THSD4: variants seen among roughly 807,000 people sequenced by gnomAD.
THSD4 encodes thrombospondin type-1 domain-containing protein 4.
In THSD4, 69 loss-of-function variants were observed where a neutral mutation model predicts 119.0. That is an observed-to-expected ratio of 0.58 (90% CI 0.48 to 0.71). THSD4 has a LOEUF of 0.71. Ranked by LOEUF, THSD4 falls within the 30% of genes least tolerant of loss-of-function variation. The probability of loss-of-function intolerance (pLI) is 0.00; values close to 1 mark genes in which losing one functional copy is unlikely to be tolerated. For missense variants in THSD4, 1,393 were observed against 1,391.1 expected (o/e 1.00, Z -0.02); for synonymous variants, 524 against 540.4 (o/e 0.97, Z 0.42).
intron 8 of THSD4, among the ~76,000 whole-genome samples, chr15:71,672,585 T>A (rs1224265166): frequency 1.3e-5 from 2 of 152,228 alleles, no homozygotes; most frequent in African/African-American, 4.8e-5. Context: ...AGGAAATGCT[T>A]CCAGTTTTTG....
At chr15:71,449,118 C>CT (rs1422180040) in intron 7 of THSD4, among the ~76,000 whole-genome samples, 33 of 152,206 alleles carry the variant, frequency 2.2e-4, no homozygotes. Context: ...CAAGGGAAAC[C>CT]TATTCTCCTT....
chr15:71,526,477 C>T (rs62024438), intron 7 of THSD4, among the ~76,000 whole-genome samples: 29,074 of 150,200 alleles, frequency 0.19, 3,440 homozygotes, highest in Middle Eastern at 0.28. Flanking sequence ...CTTTAGGTTT[C>T]GTTTAGTGAT....
At chr15:71,366,432 A>G (rs1026247507) in intron 6 of THSD4, among the ~76,000 whole-genome samples, 5 of 152,028 alleles carry the variant, frequency 3.3e-5, no homozygotes, top group African/African-American at 1.2e-4. Context: ...TACCATTGTG[A>G]TATCTCCACT....
intron 6 of THSD4, among the ~76,000 whole-genome samples, chr15:71,375,646 T>C (rs2140442677): frequency 6.6e-6 from 1 of 152,142 alleles, no homozygotes; most frequent in Non-Finnish European, 1.5e-5. Context: ...GGAGAAGGGG[T>C]TCCAGCCAGC....
chr15:71,414,855 A>G (rs932488331), intron 7 of THSD4, among the ~76,000 whole-genome samples: 2 of 152,230 alleles, frequency 1.3e-5, no homozygotes, highest in Non-Finnish European at 2.9e-5. Context: ...ACTGGATACT[A>G]CTTTGCATTT....
chr15:71,309,993 C>A (rs2045088464), intron 6 of THSD4, among the ~76,000 whole-genome samples: 1 of 152,128 alleles, frequency 6.6e-6, no homozygotes, highest in African/African-American at 2.4e-5. Flanking sequence ...CTTCACCCTG[C>A]AAATATTTAT....
chr15:71,275,132 CTG>C (rs979929845), intron 6 of THSD4, among the ~76,000 whole-genome samples: 4 of 152,052 alleles, frequency 2.6e-5, no homozygotes, highest in African/African-American at 9.7e-5. Flanking sequence ...GTAGGATGGT[CTG>C]CCCTGGGTCA....
chr15:71,511,241 A>T lies in THSD4; in HGVS notation c.1152+99418A>T, dbSNP rs372101439. Among the ~76,000 whole-genome samples the T allele has an allele frequency of 3.3e-5, 5 of 152,140 alleles. No homozygotes were observed. The East Asian group carries it at 9.6e-4, about 29-fold the overall frequency. ...CTGGTAACCAAGTTGGTCTTGAGGGACGTTTTAACAGACATTTGGTATTGG... is the reference window on the plus strand; with the variant it reads ...CTGGTAACCAAGTTGGTCTTGAGGGTCGTTTTAACAGACATTTGGTATTGG... On this transcript the variant is annotated intron_variant, in intron 7 of 17. Coordinates refer to ENST00000261862, the MANE Select transcript of THSD4 (RefSeq NM_024817.3).
At chr15:71,223,089 C>G (rs189056928) in intron 4 of THSD4, among the ~76,000 whole-genome samples, 1 of 152,296 alleles carries the variant, frequency 6.6e-6, no homozygotes, top group East Asian at 1.9e-4. Flanking sequence ...TTCCACCTGC[C>G]AGACACACTG....
intron 6 of THSD4, among the ~76,000 whole-genome samples, chr15:71,312,623 C>G (rs1161386238): frequency 6.6e-6 from 1 of 152,060 alleles, no homozygotes; most frequent in South Asian, 2.1e-4. Flanking sequence ...GAAAACTCCT[C>G]TAACCTGCCA....
chr15:71,476,546 C>G (rs866864099), intron 7 of THSD4, among the ~76,000 whole-genome samples: 1 of 152,104 alleles, frequency 6.6e-6, no homozygotes, highest in Non-Finnish European at 1.5e-5. Flanking sequence ...CTGGCCAACC[C>G]CTTGTATATC....
intron 6 of THSD4, among the ~76,000 whole-genome samples, chr15:71,330,846 A>C (rs1309122412): frequency 6.6e-6 from 1 of 152,084 alleles, no homozygotes; most frequent in Non-Finnish European, 1.5e-5. Context: ...AGAGTAAGAG[A>C]GCGACTAGGT....
chr15:71,484,811 A>C (rs1244858235), intron 7 of THSD4, among the ~76,000 whole-genome samples: 5 of 152,180 alleles, frequency 3.3e-5, no homozygotes, highest in African/African-American at 1.2e-4. Context: ...ACCTGGGGCC[A>C]AAGTTTCCCC....
intron 6 of THSD4, chr15:71,348,129 G>C (rs1359432786): frequency 6.6e-6 from 1 of 152,158 alleles, no homozygotes; most frequent in African/African-American, 2.4e-5. Flanking sequence ...GCTTTTCTGA[G>C]CTTTTGAAAT....
At chr15:71,565,117 G>T (rs1269554394) in intron 7 of THSD4, among the ~76,000 whole-genome samples, 1 of 152,160 alleles carries the variant, frequency 6.6e-6, no homozygotes, top group Non-Finnish European at 1.5e-5. Context: ...GTGGCTGCAG[G>T]TCCAGCAGAT....
chr15:71,607,143 C>T (rs954816512), intron 7 of THSD4, among the ~76,000 whole-genome samples: 6 of 152,064 alleles, frequency 3.9e-5, no homozygotes, highest in African/African-American at 1.4e-4. Flanking sequence ...AGCCGTTATG[C>T]CTAAATATGG....
chr15:71,254,118 C>G (rs2044288361), intron 5 of THSD4, among the ~76,000 whole-genome samples: 1 of 152,224 alleles, frequency 6.6e-6, no homozygotes, highest in Admixed American at 6.5e-5. Flanking sequence ...TGGAGCCTCA[C>G]TGTGGAGCAG....
chr15:71,612,107 T>G (rs2050241864), intron 7 of THSD4, among the ~76,000 whole-genome samples: 1 of 152,164 alleles, frequency 6.6e-6, no homozygotes, highest in South Asian at 2.1e-4. Flanking sequence ...TCTCTGGAAA[T>G]GGACAACTCT....
In THSD4 at chr15:71,737,976, G is replaced by A. The variant is rs1423348703; in HGVS notation, c.1875G>A (p.Gly625=). 1 of 1,613,820 alleles carries A rather than the reference G, an allele frequency of 6.2e-7. No homozygotes were observed. The highest frequency in any genetic ancestry group is 8.5e-7 in the Non-Finnish European group (1 of 1,179,868). The change falls in exon 11 of 18, where the codon GGG becomes GGA. Residue 625 remains glycine (G), a synonymous_variant. Transcript: ENST00000261862. ...RSRDHNWKQL[G]TTECSTTCGK... ...GGGATCACAACTGGAAGCAGCTTGG[G>A]ACAACAGAATGTTCCACGACCTGTG...
Sources: gnomAD v4.1 joint callset for allele counts (sites outside exome capture counted in the v4.1 genomes callset) on GRCh38, gnomAD v4.1.1 for gene constraint, MANE v1.5 for transcripts, NCBI Gene and HGNC (gene_info 2026-07-23, HGNC 2026-07-21) for gene names.